The following ERBB2 variants were observed in gnomAD, a reference collection of about 807,000 sequenced individuals.
ERBB2 encodes the protein erb-b2 receptor tyrosine kinase 2.
A neutral mutation model predicts 149.0 loss-of-function variants in ERBB2; 61 were observed. The ratio of observed to expected loss-of-function variants is 0.41; its 90% confidence interval spans 0.33 to 0.51. ERBB2 has a LOEUF of 0.51. Among genes scored for constraint, ERBB2 ranks in the 20% least tolerant of loss-of-function variants. The probability of loss-of-function intolerance (pLI) is 0.25; values close to 1 mark genes in which losing one functional copy is unlikely to be tolerated. For missense variants in ERBB2, 1,205 were observed against 1,655.1 expected, an observed-to-expected ratio of 0.73 and a Z score of 4.72; for synonymous variants, 633 against 678.8, an observed-to-expected ratio of 0.93 and a Z score of 1.05.
chr17:39,722,896 G>A (rs1296400829), intron 16 of ERBB2, among the ~76,000 whole-genome samples: 1 of 152,032 alleles, frequency 6.6e-6, no homozygotes, highest in Admixed American at 6.6e-5. Context: ...TTGTGTGTGT[G>A]TATTTTTAGT....
intron 9 of ERBB2, among the ~76,000 whole-genome samples, chr17:39,714,110 C>A (rs190397060): frequency 1.9e-4 from 29 of 152,138 alleles, no homozygotes. Flanking sequence ...ACCTCCACTC[C>A]CCTTTCCAGA....
In ERBB2 at chr17:39,723,810, T is replaced by TAGC; in HGVS notation, c.2209-100_2209-99insCAG. 3 of 1,491,786 alleles carry TAGC rather than the reference T, an allele frequency of 2.0e-6. No individual in the cohort carries two copies. The highest frequency in any genetic ancestry group is 2.8e-6 in the Non-Finnish European group (3 of 1,083,426). The allele number at this position is 1,491,786 out of a possible 1,614,324, so 92.4% of individuals were successfully genotyped here. On this transcript the variant is annotated intron_variant, in intron 18 of 26. Coordinates refer to ENST00000269571, the MANE Select transcript of ERBB2 (RefSeq NM_004448.4). This position sits in a 1 kb window ranked among gnomAD's most constrained non-coding sequence, Gnocchi z 6.2. Reference sequence around the variant, plus strand: ...CGGAGAAGGGAGCGGGGCCAAGCCCTAGGGTGGTGAAGGATGTTTGGAGGA... The same window carrying TAGC: ...CGGAGAAGGGAGCGGGGCCAAGCCCTAGCAGGGTGGTGAAGGATGTTTGGAGGA...
At chr17:39,704,624 T>C (rs1380588630) in intron 1 of ERBB2, among the ~76,000 whole-genome samples, 1 of 151,906 alleles carries the variant, frequency 6.6e-6, no homozygotes, top group Non-Finnish European at 1.5e-5. Flanking sequence ...GGTAAGGAGA[T>C]GGGAGAGTGG....
intron 15 of ERBB2, 151 bp downstream of exon 15, chr17:39,717,631 C>A: frequency 1.6e-6 from 1 of 626,264 alleles, no homozygotes; most frequent in Non-Finnish European, 2.6e-6. Flanking sequence ...AAAATTAAAA[C>A]ATGAAATATA....
rs2059779089 is a variant in ERBB2 at position 39,726,600 on chromosome 17, G to C, written c.2911G>C (p.Glu971Gln). 1 of 1,614,172 alleles carries C rather than the reference G, an allele frequency of 6.2e-7. No individual in the cohort carries two copies. The highest frequency in any genetic ancestry group is 8.5e-7 in the Non-Finnish European group (1 of 1,180,032). The change falls in exon 24 of 27, where the codon GAG (glutamate) becomes CAG (glutamine). Residue 971 changes from glutamate (E) to glutamine (Q), a missense_variant. Glu to Gln is a conservative substitution (Grantham distance 29). This residue lies in a region of ERBB2 where 63 missense variants were observed against 74.2 expected (regional missense o/e 0.85). Transcript: ENST00000269571. The surrounding 1 kb of genome is among the most constrained non-coding windows in gnomAD (Gnocchi z 5.1). ...CTCTGAATGTCGGCCAAGATTCCGG[G>C]AGTTGGTGTCTGAATTCTCCCGCAT... ...IDSECRPRFR[E>Q]LVSEFSRMAR...
chr17:39,699,586 A>G (rs1179865297), upstream of ERBB2: 1 of 1,498,206 alleles, frequency 6.7e-7, no homozygotes, highest in Admixed American at 2.0e-5. Context: ...GGAAGCCACA[A>G]GGTAAACACA....
chr17:39,710,488 G>T lies in ERBB2; in HGVS notation c.901+7G>T, dbSNP rs4252619. The T allele has an allele frequency of 1.9e-3, 3,063 of 1,613,814 alleles. 58 individuals carry two copies. In the South Asian group the frequency reaches 0.029, roughly 15 times the overall value. On this transcript the variant is annotated splice_region_variant and intron_variant, in intron 7 of 26. Transcript: ENST00000269571. ...TGTGTGACTGCCTGTCCCTGTGAGT[G>T]CCAGGGAGAAACACAGTTTTCTCAT... is the stretch of plus-strand genomic sequence containing the variant.
Position 39,708,550 on chromosome 17 carries a change from A to G in ERBB2, c.439+16A>G, listed in dbSNP as rs200062983. ...AGCCTCACAGGTGGCCTTCACCGTC[A>G]TTGAAACCTTCTCTTGGTTATTCAG... On this transcript the variant is annotated intron_variant, in intron 3 of 26. Transcript: ENST00000269571. 2.6e-5 allele frequency: 41 copies of G among 1,603,254 alleles called. No individual in the cohort carries two copies. The East Asian group carries it at 7.6e-4, about 30-fold the overall frequency.
chr17:39,717,823 ATGT>A (rs1199743764), intron 15 of ERBB2, among the ~76,000 whole-genome samples: 6 of 151,514 alleles, frequency 4.0e-5, no homozygotes. Flanking sequence ...ACACACACAT[ATGT>A]ATTTTTAGAC....
Position 39,727,528 on chromosome 17 carries a change from G to A in ERBB2, c.3393G>A (p.Leu1131=), listed in dbSNP as rs2143259520. 6.2e-7 allele frequency: 1 copy of A among 1,603,388 alleles called. No individual in the cohort carries two copies. The highest frequency in any genetic ancestry group is 8.5e-7 in the Non-Finnish European group (1 of 1,177,142). ...PSETDGYVAP[L]TCSPQPEYVN... ...AGACTGATGGCTACGTTGCCCCCCT[G>A]ACCTGCAGCCCCCAGCCTGGTATGG... Residue 1131 remains leucine, a synonymous_variant, in exon 26 of 27, where the codon CTG becomes CTA. Coordinates refer to ENST00000269571, the MANE Select transcript of ERBB2 (RefSeq NM_004448.4). This position sits in a 1 kb window ranked among gnomAD's most constrained non-coding sequence, Gnocchi z 4.3.
chr17:39,691,567 A>G, upstream of ERBB2, among the ~76,000 whole-genome samples: 1 of 140,294 alleles, frequency 7.1e-6, no homozygotes, highest in Non-Finnish European at 1.5e-5. Flanking sequence ...ATATATATAT[A>G]TATATATACA....
Position 39,726,575 on chromosome 17 carries a change from C to T in ERBB2, c.2886C>T (p.Asp962=). 6.2e-7 allele frequency: 1 copy of T among 1,614,126 alleles called. No homozygotes were observed. The highest frequency in any genetic ancestry group is 1.1e-5 in the South Asian group (1 of 91,090). ...YMIMVKCWMI[D]SECRPRFREL... ...CTCCTGCCCCAGGTTGGATGATTGA[C>T]TCTGAATGTCGGCCAAGATTCCGGG... The change falls in exon 24 of 27, where the codon GAC becomes GAT. Residue 962 remains aspartate (D), a synonymous_variant. Coordinates refer to ENST00000269571, the MANE Select transcript of ERBB2 (RefSeq NM_004448.4). The surrounding 1 kb of genome is among the most constrained non-coding windows in gnomAD (Gnocchi z 5.1).
chr17:39,700,162 C>A lies in ERBB2; in HGVS notation c.-77C>A. The A allele has an allele frequency of 1.5e-6, 2 of 1,334,448 alleles. No homozygotes were observed. The highest frequency in any genetic ancestry group is 1.9e-6 in the Non-Finnish European group (2 of 1,050,950). The allele number at this position is 1,334,448 out of a possible 1,614,324, so 82.7% of individuals were successfully genotyped here. A position where few individuals can be genotyped will look rare whatever the true frequency, so the allele number is the denominator to read the frequency against. On this transcript the variant is annotated 5_prime_UTR_variant, in exon 1 of 27. Coordinates refer to ENST00000269571, the MANE Select transcript of ERBB2 (RefSeq NM_004448.4). ...CTGCGCCGCGCGCCCGGCCCCCACC[C>A]CTCGCAGCACCCCGCGCCCCGCGCC... is the stretch of plus-strand genomic sequence containing the variant.
chr17:39,691,164 G>A (rs1440929063), upstream of ERBB2, among the ~76,000 whole-genome samples: 1 of 152,060 alleles, frequency 6.6e-6, no homozygotes, highest in African/African-American at 2.4e-5. Flanking sequence ...AGTTTACCAT[G>A]TGCAAGTCTC....
chr17:39,693,630 C>T (rs2057760486), upstream of ERBB2, among the ~76,000 whole-genome samples: 1 of 151,862 alleles, frequency 6.6e-6, no homozygotes, highest in African/African-American at 2.4e-5. Context: ...TGGTGGTGCG[C>T]TTCTGTAATC....
At chr17:39,713,269 G>C (rs1405051696) in intron 9 of ERBB2, 1 of 152,108 alleles carries the variant, frequency 6.6e-6, no homozygotes, top group Non-Finnish European at 1.5e-5. Flanking sequence ...TGGGACTACA[G>C]GTGTGTGCCA....
Position 39,724,018 on chromosome 17 carries a change from C to G in ERBB2, c.2307+8C>G. Reference sequence around the variant, plus strand: ...AACAAAGAAATCTTAGACGTAAGCCCCTCCACCCTCTCCTGCTAGGAGGAC... The same window carrying G: ...AACAAAGAAATCTTAGACGTAAGCCGCTCCACCCTCTCCTGCTAGGAGGAC... On this transcript the variant is annotated splice_region_variant and intron_variant, in intron 19 of 26. Coordinates refer to ENST00000269571, the MANE Select transcript of ERBB2 (RefSeq NM_004448.4). The G allele has an allele frequency of 6.2e-7, 1 of 1,602,878 alleles. No homozygotes were observed. The highest frequency in any genetic ancestry group is 8.5e-7 in the Non-Finnish European group (1 of 1,171,246).
In ERBB2 at chr17:39,715,440, C is replaced by T. The variant is rs2059064402; in HGVS notation, c.1223-6C>T. 5.6e-6 allele frequency: 9 copies of T among 1,614,058 alleles called. No homozygotes were observed. The African/African-American group carries it at 6.7e-5, about 12-fold the overall frequency. Reference sequence around the variant, plus strand: ...CCACTCCTTTAATCTCACCCTCTGCCTGCAGGTTACCTATACATCTCAGCA... The same window carrying T: ...CCACTCCTTTAATCTCACCCTCTGCTTGCAGGTTACCTATACATCTCAGCA... On this transcript the variant is annotated splice_polypyrimidine_tract_variant and splice_region_variant and intron_variant, in intron 10 of 26. Coordinates refer to ENST00000269571, the MANE Select transcript of ERBB2 (RefSeq NM_004448.4).
chr17:39,706,577 G>C (rs2058450655), intron 1 of ERBB2, among the ~76,000 whole-genome samples: 1 of 152,140 alleles, frequency 6.6e-6, no homozygotes, highest in Non-Finnish European at 1.5e-5. Context: ...GTTTGCTTGG[G>C]AGAGGGGCAG....
Sources: gnomAD v4.1 joint callset for allele counts (sites outside exome capture counted in the v4.1 genomes callset) on GRCh38, gnomAD v4.1.1 for gene constraint, gnomAD v4.1.1 regional missense constraint, Gnocchi (gnomAD v3.1) non-coding constraint, MANE v1.5 for transcripts, NCBI Gene and HGNC (gene_info 2026-07-23, HGNC 2026-07-21) for gene names.